The following SV2B variants were observed in gnomAD, a reference collection of about 807,000 sequenced individuals.
The protein encoded by SV2B is synaptic vesicle glycoprotein 2B.
Under a neutral mutation model 73.9 loss-of-function variants are expected in SV2B, and 41 were observed. That is an observed-to-expected ratio of 0.56 (90% CI 0.43 to 0.72). The LOEUF (loss-of-function observed/expected upper bound fraction) is 0.72. Among genes scored for constraint, SV2B ranks in the 30% least tolerant of loss-of-function variants. The pLI is 0.00. For missense variants in SV2B, 764 were observed against 857.8 expected (o/e 0.89, Z 1.37); for synonymous variants, 314 against 314.2 (o/e 1.00, Z 0.01).
chr15:91,111,036 G>A (rs1198686362), intron 1 of SV2B, among the ~76,000 whole-genome samples: 1 of 152,108 alleles, frequency 6.6e-6, no homozygotes, highest in African/African-American at 2.4e-5. Flanking sequence ...TCCCATGATG[G>A]ATAAGGTCTT....
At chr15:91,246,331 C>A (rs1362850270) in intron 2 of SV2B, among the ~76,000 whole-genome samples, 1 of 152,084 alleles carries the variant, frequency 6.6e-6, no homozygotes, top group Non-Finnish European at 1.5e-5. Context: ...TTCCAAGGTC[C>A]TAGACAATTT....
At chr15:91,178,065 C>T (rs2044391193) in intron 1 of SV2B, among the ~76,000 whole-genome samples, 1 of 151,734 alleles carries the variant, frequency 6.6e-6, no homozygotes, top group Admixed American at 6.6e-5. Flanking sequence ...GAGATACATC[C>T]CATCAATACC....
intron 1 of SV2B, among the ~76,000 whole-genome samples, chr15:91,182,860 A>G (rs2044634088): frequency 6.6e-6 from 1 of 152,184 alleles, no homozygotes; most frequent in Non-Finnish European, 1.5e-5. Flanking sequence ...ATGCATGTAG[A>G]TGTACACACA....
Position 91,301,948 on chromosome 15 carries a change from C to T in SV2B, c.*9396C>T, listed in dbSNP as rs2049456787. Among the ~76,000 whole-genome samples the T allele has an allele frequency of 6.6e-6, 1 of 152,170 alleles. No homozygotes were observed. Among genetic ancestry groups the T allele is most frequent in the South Asian group, 2.1e-4 (1 of 4,822 alleles). On this transcript the variant is annotated 3_prime_UTR_variant, in exon 13 of 13. Coordinates refer to ENST00000394232, the MANE Select transcript of SV2B (RefSeq NM_001323032.3). The surrounding 1 kb of genome is among the most constrained non-coding windows in gnomAD (Gnocchi z 4.3). The stretch of plus-strand genomic sequence containing the variant: ...CAGAGTCAGAGCCAAGTTCTGAATG[C>T]TCATCACCTGGCATATAGTATGGTA...
rs766070391 is a variant in SV2B, at chr15:91,240,117, A to G, written c.452-11702A>G. 2.6e-5 allele frequency among the ~76,000 whole-genome samples: 4 copies of G among 152,196 alleles called. No individual in the cohort carries two copies. In the South Asian group the frequency reaches 8.3e-4, roughly 32 times the overall value. ...TCCCTTAGCAAGGAAGAAGAGGGAA[A>G]AGGGCTGTTGGGAACATGACCAACA... On this transcript the variant is annotated intron_variant, in intron 2 of 12. Coordinates refer to ENST00000394232, the MANE Select transcript of SV2B (RefSeq NM_001323032.3). The surrounding 1 kb of genome is among the most constrained non-coding windows in gnomAD (Gnocchi z 4.6).
chr15:91,177,417 A>C (rs1201604725), intron 1 of SV2B, among the ~76,000 whole-genome samples: 2 of 151,818 alleles, frequency 1.3e-5, no homozygotes, highest in African/African-American at 4.8e-5. Flanking sequence ...AGTTTCTTCC[A>C]ATTCTGTGAA....
In SV2B at chr15:91,292,550, T is replaced by C; in HGVS notation, c.2050T>C (p.Ter684ArgextTer42). The change falls in exon 13 of 13, where the codon TGA (stop) becomes CGA (arginine). Residue 684 changes from the stop codon to arginine, a stop_lost. Transcript: ENST00000394232. ...AGAGACTCGAGAACAGGTCCTGATG[T>C]GAACAACCTATGGGAAAAGGAAAGG... ...LPETREQVLM[*>R] The C allele has an allele frequency of 6.2e-7, 1 of 1,610,880 alleles. No homozygotes were observed. The highest frequency in any genetic ancestry group is 8.5e-7 in the Non-Finnish European group (1 of 1,178,778).
chr15:91,167,309 T>C (rs577947065), intron 1 of SV2B, among the ~76,000 whole-genome samples: 1 of 152,330 alleles, frequency 6.6e-6, no homozygotes, highest in East Asian at 1.9e-4. Flanking sequence ...TTGGTTTGGG[T>C]AATTTTAAAT....
chr15:91,166,871 T>G (rs1197840325), intron 1 of SV2B, among the ~76,000 whole-genome samples: 1 of 151,462 alleles, frequency 6.6e-6, no homozygotes, highest in African/African-American at 2.4e-5. Context: ...TGGAGTGCAG[T>G]GGTGCGATCT....
intron 1 of SV2B, among the ~76,000 whole-genome samples, chr15:91,162,309 T>G (rs2043749635): frequency 6.6e-6 from 1 of 152,188 alleles, no homozygotes; most frequent in South Asian, 2.1e-4. Flanking sequence ...GTTGATGGGT[T>G]GTTTGACAAT....
intron 1 of SV2B, among the ~76,000 whole-genome samples, chr15:91,125,781 C>CA (rs200016125): frequency 0.045 from 2,584 of 56,980 alleles, 221 homozygotes; most frequent in African/African-American, 0.13. Context: ...TCTCAAGGGG[C>CA]AAAAAAAAAA....
chr15:91,253,504 T>C lies in SV2B; in HGVS notation c.784+984T>C, dbSNP rs967844931. Among the ~76,000 whole-genome samples the C allele has an allele frequency of 6.6e-6, 1 of 152,266 alleles. No homozygotes were observed. Among genetic ancestry groups the C allele is most frequent in the South Asian group, 2.1e-4 (1 of 4,838 alleles). On this transcript the variant is annotated intron_variant, in intron 4 of 12. Transcript: ENST00000394232. The surrounding 1 kb of genome is among the most constrained non-coding windows in gnomAD (Gnocchi z 5.0). ...ATTAGTTAAGGTGTTGGACACTGGGTACATTACCTTGACAAGCTGATAAAC... is the reference window on the plus strand; with the variant it reads ...ATTAGTTAAGGTGTTGGACACTGGGCACATTACCTTGACAAGCTGATAAAC...
At chr15:91,184,172 G>A (rs557967600) in intron 1 of SV2B, among the ~76,000 whole-genome samples, 21 of 152,136 alleles carry the variant, frequency 1.4e-4, no homozygotes, top group South Asian at 4.2e-4. Context: ...ACAAAGTCCC[G>A]TTAAATAGAG....
chr15:91,267,644 G>T lies in SV2B; in HGVS notation c.1208+1G>T. On this transcript the variant is annotated splice_donor_variant, in intron 8 of 12. Transcript: ENST00000394232. LOFTEE classifies it high-confidence loss of function. The surrounding 1 kb of genome is among the most constrained non-coding windows in gnomAD (Gnocchi z 4.3). ...TGGTTTGGTTTGCCATGGCATTCAG[G>T]TAAGTTCTGTCTTACTTAAATTTCG... 6.2e-7 allele frequency: 1 copy of T among 1,609,880 alleles called. No homozygotes were observed. The highest frequency in any genetic ancestry group is 8.5e-7 in the Non-Finnish European group (1 of 1,177,682).
intron 1 of SV2B, among the ~76,000 whole-genome samples, chr15:91,156,289 G>A (rs1056050541): frequency 2.0e-5 from 3 of 152,176 alleles, no homozygotes; most frequent in Admixed American, 1.3e-4. Context: ...AGTGGGACAA[G>A]AGGCCCAGTG....
At position 91,177,172 on chromosome 15, in the gene SV2B, A is replaced by T. The variant is rs1337745472; in HGVS notation, c.-391-48701A>T. Among the ~76,000 whole-genome samples, 7 of 151,488 alleles carry T rather than the reference A, an allele frequency of 4.6e-5. No individual in the cohort carries two copies. In the South Asian group the frequency reaches 6.3e-4, roughly 14 times the overall value. Reference sequence around the variant, plus strand: ...GAATCCTTTCCCCATTGCTTGTTTTACTCAGGTTTGTCAAAGATCAGATAG... The same window carrying T: ...GAATCCTTTCCCCATTGCTTGTTTTTCTCAGGTTTGTCAAAGATCAGATAG... On this transcript the variant is annotated intron_variant, in intron 1 of 12. Transcript: ENST00000394232.
At chr15:91,107,104 G>C (rs974466787) in intron 1 of SV2B, among the ~76,000 whole-genome samples, 12 of 152,058 alleles carry the variant, frequency 7.9e-5, no homozygotes, top group Admixed American at 6.6e-5. Flanking sequence ...GGGAGAGAGA[G>C]AGAGATGGAG....
At chr15:91,196,603 C>A (rs961917061) in intron 1 of SV2B, among the ~76,000 whole-genome samples, 1 of 152,028 alleles carries the variant, frequency 6.6e-6, no homozygotes, top group African/African-American at 2.4e-5. Context: ...GTTAGGAAAT[C>A]CGACCTTGAT....
rs1226024035 is a variant in SV2B, at chr15:91,268,446, A to G, written c.1214A>G (p.Tyr405Cys). ...VVWFAMAFSY[Y>C]GLTVWFPDMI... ...TTCTGCCTTCTCCACTCCAGTTACT[A>G]TGGACTGACAGTTTGGTTTCCTGAT... Residue 405 changes from tyrosine (Y) to cysteine (C), a missense_variant, in exon 9 of 13, where the codon TAT (tyrosine) becomes TGT (cysteine). Physicochemically the swap from Tyr to Cys is radical, Grantham distance 194 (BLOSUM62 -2). Transcript: ENST00000394232. This position sits in a 1 kb window ranked among gnomAD's most constrained non-coding sequence, Gnocchi z 4.4. The G allele has an allele frequency of 1.2e-6, 2 of 1,613,356 alleles. No homozygotes were observed. Among genetic ancestry groups the G allele is most frequent in the African/African-American group, 1.3e-5 (1 of 75,032 alleles).
Sources: gnomAD v4.1 joint callset for allele counts (sites outside exome capture counted in the v4.1 genomes callset) on GRCh38, gnomAD v4.1.1 for gene constraint, Gnocchi (gnomAD v3.1) non-coding constraint, MANE v1.5 for transcripts, NCBI Gene and HGNC (gene_info 2026-07-23, HGNC 2026-07-21) for gene names.